The following DPYD variants were observed in gnomAD, a reference collection of about 807,000 sequenced individuals.
DPYD encodes the protein dihydropyrimidine dehydrogenase.
In DPYD, 109 loss-of-function variants were observed where a neutral mutation model predicts 116.2. The observed-to-expected ratio is 0.94, with a 90% CI of 0.80 to 1.10. The LOEUF is 1.10. DPYD is among the 50% of genes least tolerant of loss of function. The pLI is 0.00. For missense variants in DPYD, 1,302 were observed against 1,254.5 expected (o/e 1.04, Z -0.57); for synonymous variants, 440 against 432.0 (o/e 1.02, Z -0.23).
intron 2 of DPYD, among the ~76,000 whole-genome samples, chr1:97,880,309 G>A (rs1672138989): frequency 6.6e-6 from 1 of 151,776 alleles, no homozygotes; most frequent in African/African-American, 2.4e-5. Context: ...TATCTCATCA[G>A]TTACTGGTTA....
At chr1:97,591,301 T>C (rs1654501004) in intron 10 of DPYD, among the ~76,000 whole-genome samples, 1 of 152,208 alleles carries the variant, frequency 6.6e-6, no homozygotes, top group Non-Finnish European at 1.5e-5. Context: ...TCTAATTACT[T>C]TTCAATATAT....
intron 3 of DPYD, among the ~76,000 whole-genome samples, chr1:97,791,621 T>A (rs529090011): frequency 4.6e-5 from 7 of 152,336 alleles, no homozygotes; most frequent in Admixed American, 4.6e-4. Context: ...TCAGCTGGCC[T>A]CAGATACAGT....
chr1:97,848,193 G>A (rs574989739), intron 2 of DPYD, among the ~76,000 whole-genome samples: 2 of 152,266 alleles, frequency 1.3e-5, no homozygotes, highest in East Asian at 3.9e-4. Flanking sequence ...CGCCTCCCGG[G>A]TTCATGCCAT....
chr1:97,785,406 A>G (rs1266657259), intron 3 of DPYD, among the ~76,000 whole-genome samples: 1 of 152,218 alleles, frequency 6.6e-6, no homozygotes, highest in East Asian at 1.9e-4. Context: ...TATGTTATGC[A>G]TATTATTCAA....
chr1:97,319,931 C>G (rs1487154558), intron 16 of DPYD, among the ~76,000 whole-genome samples: 1 of 105,968 alleles, frequency 9.4e-6, no homozygotes, highest in South Asian at 3.4e-4. Context: ...GTTCAATATA[C>G]GCAAATCAAT....
At chr1:97,720,232 A>G (rs1662847940) in intron 5 of DPYD, 1 of 984,754 alleles carries the variant, frequency 1.0e-6, no homozygotes, top group African/African-American at 1.8e-5. Context: ...TAATGATATC[A>G]TTTTAATTCA....
intron 18 of DPYD, among the ~76,000 whole-genome samples, chr1:97,250,327 G>T (rs978364026): frequency 2.6e-5 from 4 of 151,374 alleles, no homozygotes; most frequent in Non-Finnish European, 5.9e-5. Context: ...TTGGATAATT[G>T]TTTGACAGTT....
intron 8 of DPYD, among the ~76,000 whole-genome samples, chr1:97,615,091 G>T (rs1656183793): frequency 6.6e-6 from 1 of 152,064 alleles, no homozygotes; most frequent in Non-Finnish European, 1.5e-5. Flanking sequence ...TTGGAAACTT[G>T]CATAACACTG....
intron 12 of DPYD, chr1:97,546,671 T>C (rs577831390): frequency 2.5e-6 from 4 of 1,612,916 alleles, no homozygotes; most frequent in Non-Finnish European, 3.4e-6. Flanking sequence ...CAGACATTAA[T>C]ATCCATGCCA....
At chr1:97,476,193 T>A (rs1160588243) in intron 13 of DPYD, among the ~76,000 whole-genome samples, 1 of 152,192 alleles carries the variant, frequency 6.6e-6, no homozygotes, top group East Asian at 1.9e-4. Flanking sequence ...TTATTAATAC[T>A]GTACCTGCTG....
intron 5 of DPYD, among the ~76,000 whole-genome samples, chr1:97,718,792 G>T (rs1662760342): frequency 6.6e-6 from 1 of 151,438 alleles, no homozygotes; most frequent in African/African-American, 2.4e-5. Flanking sequence ...CAGAGGCAAT[G>T]AGAGTCTAGG....
At position 97,679,104 on chromosome 1, in the gene DPYD, T is replaced by A. The variant is rs746329786; in HGVS notation, c.841A>T (p.Ile281Phe). ...AGAGTAAACTACTCACCTATTCCAA[T>A]GAAAGCAGCTTTGTAGCCTTTTTCT... Reference protein sequence around the residue: ...LKEKGYKAAFIGIGLPEPNKD... With the variant: ...LKEKGYKAAFFGIGLPEPNKD... The change falls in exon 8 of 23, where the codon ATT becomes TTT. Residue 281 changes from isoleucine to phenylalanine, a missense_variant. Physicochemically the swap from Ile to Phe is conservative, Grantham distance 21. Coordinates refer to ENST00000370192, the MANE Select transcript of DPYD (RefSeq NM_000110.4). The A allele has an allele frequency of 6.4e-7, 1 of 1,556,648 alleles. No individual in the cohort carries two copies. Among genetic ancestry groups the A allele is most frequent in the Non-Finnish European group, 8.8e-7 (1 of 1,140,348 alleles).
At chr1:97,682,900 C>T (rs536682954) in intron 7 of DPYD, among the ~76,000 whole-genome samples, 1 of 152,154 alleles carries the variant, frequency 6.6e-6, no homozygotes, top group South Asian at 2.1e-4. Flanking sequence ...ATAGTCACTA[C>T]TTTATTCCAG....
intron 21 of DPYD, among the ~76,000 whole-genome samples, chr1:97,089,838 T>C (rs1557856618): frequency 6.9e-6 from 1 of 145,916 alleles, no homozygotes; most frequent in African/African-American, 2.7e-5. Flanking sequence ...TTTTTTTTTT[T>C]TTTTTTTTTT....
chr1:97,351,415 T>TA (rs2101328922), intron 16 of DPYD, among the ~76,000 whole-genome samples: 1 of 151,988 alleles, frequency 6.6e-6, no homozygotes, highest in South Asian at 2.1e-4. Flanking sequence ...ATGTTTCTTT[T>TA]AAAAATAAGC....
intron 12 of DPYD, among the ~76,000 whole-genome samples, chr1:97,538,816 G>C (rs1320772384): frequency 2.0e-5 from 3 of 152,158 alleles, no homozygotes; most frequent in Non-Finnish European, 4.4e-5. Context: ...TATCATTCCA[G>C]AATATTTGTG....
chr1:97,152,992 TCA>T (rs1655147217), intron 20 of DPYD, among the ~76,000 whole-genome samples: 1 of 152,154 alleles, frequency 6.6e-6, no homozygotes, highest in Admixed American at 6.6e-5. Flanking sequence ...CTAGAGGAGT[TCA>T]TTTTTTTAAA....
intron 16 of DPYD, among the ~76,000 whole-genome samples, chr1:97,340,414 T>C (rs141235557): frequency 1.3e-5 from 2 of 152,200 alleles, no homozygotes; most frequent in African/African-American, 4.8e-5. Context: ...CCAGGCATGG[T>C]GGCTCTGCAC....
At chr1:97,235,623 C>CAAAA (rs1402047959) in intron 18 of DPYD, among the ~76,000 whole-genome samples, 1 of 151,842 alleles carries the variant, frequency 6.6e-6, no homozygotes, top group Admixed American at 6.6e-5. Context: ...GACTCTGTCT[C>CAAAA]AAAAACAAAC....
Sources: gnomAD v4.1 joint callset for allele counts (sites outside exome capture counted in the v4.1 genomes callset) on GRCh38, gnomAD v4.1.1 for gene constraint, MANE v1.5 for transcripts, NCBI Gene and HGNC (gene_info 2026-07-23, HGNC 2026-07-21) for gene names.